The following MYH14 variants were observed in gnomAD, a reference collection of about 807,000 sequenced individuals.
MYH14 encodes the protein myosin-14.
In MYH14, 123 loss-of-function variants were observed where a neutral mutation model predicts 255.5. That is an observed-to-expected ratio of 0.48 (90% CI 0.42 to 0.56). The LOEUF (loss-of-function observed/expected upper bound fraction) is 0.56, where lower values mean the gene tolerates loss of function less well. MYH14 is among the 20% of genes least tolerant of loss of function. The pLI is 0.00. For synonymous variants in MYH14, 1,095 were observed against 1,161.2 expected (o/e 0.94, Z 1.16); for missense variants, 2,423 against 2,802.3 (o/e 0.86, Z 3.06).
chr19:50,268,198 G>A lies in MYH14; in HGVS notation c.2864G>A (p.Arg955Gln), dbSNP rs576611342. The A allele has an allele frequency of 8.0e-5, 125 of 1,554,188 alleles. No individual in the cohort carries two copies. The highest frequency in any genetic ancestry group is 1.0e-4 in the Non-Finnish European group (115 of 1,150,098). Reference protein sequence around the residue: ...EERARLAEQLRAEAELCAEAE... With the variant: ...EERARLAEQLQAEAELCAEAE... ...CGCGCCCGCCTGGCAGAGCAATTGC[G>A]AGCAGAGGCAGAACTGTGTGCAGAG... Residue 955 changes from arginine to glutamine, a missense_variant, in exon 24 of 43, where the codon CGA (arginine) becomes CAA (glutamine). Around this residue, in one of 3 missense-constraint regions of MYH14, gnomAD observed 1,513 missense variants for 1,674.8 expected, o/e 0.90. Transcript: ENST00000642316.
At position 50,230,961 on chromosome 19, in the gene MYH14, C is replaced by T. The variant is rs572628645; in HGVS notation, c.973+338C>T. 122 of 307,714 alleles carry T rather than the reference C, an allele frequency of 4.0e-4. 1 individual carries two copies. In the South Asian group the frequency reaches 4.6e-3, roughly 12 times the overall value. The allele number at this position is 307,714 out of a possible 1,614,324, so 19.1% of individuals were successfully genotyped here. ...TTCTCCTCACTCCGGCGGGTGACTC[C>T]GGCTTTGCTGAGGCTCCTCCTGGTT... is the stretch of plus-strand genomic sequence containing the variant. On this transcript the variant is annotated intron_variant, in intron 9 of 42. Coordinates refer to ENST00000642316, the MANE Select transcript of MYH14 (RefSeq NM_001145809.2). This position sits in a 1 kb window ranked among gnomAD's most constrained non-coding sequence, Gnocchi z 4.7.
intron 40 of MYH14, among the ~76,000 whole-genome samples, chr19:50,302,816 C>G (rs558388008): frequency 6.6e-6 from 1 of 151,864 alleles, no homozygotes; most frequent in Non-Finnish European, 1.5e-5. Context: ...GCAGGAGAAT[C>G]GCTTGAACCC....
intron 3 of MYH14, among the ~76,000 whole-genome samples, chr19:50,219,514 C>A (rs2032697262): frequency 6.6e-6 from 1 of 152,112 alleles, no homozygotes; most frequent in Non-Finnish European, 1.5e-5. Flanking sequence ...CCCTCTTTCT[C>A]CGAACAATAT....
chr19:50,207,237 A>AAGAGAGAGAGAGAGAGAAAG (rs2031815142), intron 1 of MYH14, among the ~76,000 whole-genome samples: 1 of 95,204 alleles, frequency 1.1e-5, no homozygotes, highest in African/African-American at 4.1e-5. Flanking sequence ...TCTAAGAAAA[A>AAGAGAGAGAGAGAGAGAAAG]AGAGAGAGAG....
At chr19:50,243,062 G>A (rs1166418736) in intron 10 of MYH14, among the ~76,000 whole-genome samples, 1 of 152,070 alleles carries the variant, frequency 6.6e-6, no homozygotes, top group Non-Finnish European at 1.5e-5. Context: ...TGCGAGTTAC[G>A]GTGCTGTTGG....
chr19:50,262,011 G>C (rs1395916471), intron 21 of MYH14, among the ~76,000 whole-genome samples: 1 of 152,160 alleles, frequency 6.6e-6, no homozygotes, highest in Admixed American at 6.5e-5. Context: ...CCAGTCTGGA[G>C]GTGAGACTTC....
intron 6 of MYH14, 136 bp from the exon 7 acceptor site, chr19:50,225,449 G>A: frequency 1.6e-6 from 1 of 631,846 alleles, no homozygotes; most frequent in South Asian, 1.9e-5. Flanking sequence ...GATATGGGAA[G>A]TGGGTACACG....
At chr19:50,286,247 C>T (rs1568540090) in intron 33 of MYH14, 4 of 419,244 alleles carry the variant, frequency 9.5e-6, no homozygotes, top group South Asian at 7.7e-5. Context: ...GAAGGAATGC[C>T]CTTTCTTCTG....
intron 12 of MYH14, among the ~76,000 whole-genome samples, chr19:50,247,688 G>A (rs662382): frequency 0.15 from 23,447 of 151,900 alleles, 2,030 homozygotes; most frequent in African/African-American, 0.19. Context: ...CATTCGAGAT[G>A]AGACCTAGAT....
intron 19 of MYH14, among the ~76,000 whole-genome samples, 162 bp downstream of exon 19, chr19:50,259,427 T>C (rs1052172665): frequency 1.3e-5 from 2 of 152,152 alleles, no homozygotes; most frequent in Non-Finnish European, 2.9e-5. Flanking sequence ...TACTCGTCTG[T>C]GTATGGGAGA....
At chr19:50,218,876 C>T (rs907928842) in intron 3 of MYH14, among the ~76,000 whole-genome samples, 2 of 151,850 alleles carry the variant, frequency 1.3e-5, no homozygotes, top group East Asian at 2.0e-4. Context: ...TTTCCATTCC[C>T]GAGTTACCTC....
rs963046065 is a variant in MYH14 at position 50,261,529 on chromosome 19, T to C, written c.2479T>C (p.Phe827Leu). The C allele has an allele frequency of 1.3e-6, 2 of 1,585,190 alleles. No homozygotes were observed. Among genetic ancestry groups the C allele is most frequent in the Non-Finnish European group, 1.7e-6 (2 of 1,168,684 alleles). The change falls in exon 21 of 43, where the codon TTC (phenylalanine) becomes CTC (leucine). Residue 827 changes from phenylalanine (F) to leucine (L), a missense_variant. By Grantham distance (22) the Phe-to-Leu change is conservative. Around this residue, in one of 3 missense-constraint regions of MYH14, gnomAD observed 1,513 missense variants for 1,674.8 expected, o/e 0.90. Transcript: ENST00000642316. ...CTACCGCGTGGGACAGAGCAAGATC[T>C]TCTTCCGGGCTGGGGTCCTGGCCCA... Reference protein sequence around the residue: ...NLYRVGQSKIFFRAGVLAQLE... With the variant: ...NLYRVGQSKILFRAGVLAQLE...
chr19:50,303,543 T>C (rs560236806), intron 40 of MYH14, among the ~76,000 whole-genome samples: 23 of 152,324 alleles, frequency 1.5e-4, no homozygotes, highest in African/African-American at 4.6e-4. Context: ...GGGAAATAGA[T>C]ATGACTGTTT....
chr19:50,276,061 G>C lies in MYH14; in HGVS notation c.3538G>C (p.Glu1180Gln), dbSNP rs756571861. ...GCGGGAGGCTCAAGCAGCCCTGGCC[G>C]AGGCCCAGGAGGACCTGGAGTCTGA... ...SLREAQAALAEAQEDLESERV... is the reference protein window; with the variant it reads ...SLREAQAALAQAQEDLESERV... The change falls in exon 28 of 43, where the codon GAG becomes CAG. Residue 1180 changes from glutamate to glutamine, a missense_variant. Glu to Gln is a conservative substitution (Grantham distance 29). Around this residue, in one of 3 missense-constraint regions of MYH14, gnomAD observed 1,513 missense variants for 1,674.8 expected, o/e 0.90. Transcript: ENST00000642316. The surrounding 1 kb of genome is among the most constrained non-coding windows in gnomAD (Gnocchi z 4.3). 2 of 1,611,834 alleles carry C rather than the reference G, an allele frequency of 1.2e-6. No individual in the cohort carries two copies. Among genetic ancestry groups the C allele is most frequent in the South Asian group, 1.1e-5 (1 of 90,622 alleles).
At chr19:50,292,483 C>T (rs1230603034) in intron 37 of MYH14, 94 bp downstream of exon 37, 7 of 678,238 alleles carry the variant, frequency 1.0e-5, no homozygotes, top group South Asian at 2.9e-5. Flanking sequence ...GGGAGGTGGG[C>T]GGGGCTAACC....
intron 8 of MYH14, among the ~76,000 whole-genome samples, chr19:50,229,235 C>T (rs1378603672): frequency 1.3e-5 from 2 of 152,156 alleles, no homozygotes; most frequent in Non-Finnish European, 2.9e-5. Flanking sequence ...GGAAATGGAC[C>T]TCAGGTTTGC....
At chr19:50,232,652 G>T (rs887080025) in intron 10 of MYH14, among the ~76,000 whole-genome samples, 1 of 151,646 alleles carries the variant, frequency 6.6e-6, no homozygotes, top group Admixed American at 6.6e-5. Flanking sequence ...AAAGATGGGG[G>T]AGGGAGGGGC....
chr19:50,223,183 G>A (rs2032922573), intron 4 of MYH14, 64 bp from the exon 5 acceptor site: 6 of 1,606,686 alleles, frequency 3.7e-6, no homozygotes, highest in East Asian at 2.2e-5. Flanking sequence ...GAATGGGCAG[G>A]GCAGGTGGGG....
intron 34 of MYH14, among the ~76,000 whole-genome samples, chr19:50,288,641 G>T (rs1318834747): frequency 6.6e-6 from 1 of 152,202 alleles, no homozygotes; most frequent in Non-Finnish European, 1.5e-5. Flanking sequence ...TGAACATCAT[G>T]TGGGCAGTGG....
Sources: allele counts gnomAD v4.1 joint callset (sites outside exome capture counted in the v4.1 genomes callset), GRCh38; gene constraint gnomAD v4.1.1; regional missense constraint gnomAD v4.1.1; non-coding constraint Gnocchi (gnomAD v3.1); transcripts MANE v1.5; gene names NCBI Gene and HGNC (gene_info 2026-07-23, HGNC 2026-07-21).